The following NBEA variants were observed in gnomAD, a reference collection of about 807,000 sequenced individuals.
NBEA encodes the protein neurobeachin.
In NBEA, 44 loss-of-function variants were observed where a neutral mutation model predicts 343.4. The ratio of observed to expected loss-of-function variants is 0.13; its 90% CI spans 0.10 to 0.16. The LOEUF (loss-of-function observed/expected upper bound fraction) is 0.16, where lower values mean the gene tolerates loss of function less well. Ranked by LOEUF, NBEA falls within the 10% of genes least tolerant of loss-of-function variation. NBEA has a pLI of 1.00. For missense variants in NBEA, 2,555 were observed against 3,631.3 expected (o/e 0.70, Z 7.62); for synonymous variants, 1,175 against 1,238.7 (o/e 0.95, Z 1.08).
At chr13:35,248,208 A>C (rs2031483318) in intron 34 of NBEA, among the ~76,000 whole-genome samples, 1 of 152,258 alleles carries the variant, frequency 6.6e-6, no homozygotes. Flanking sequence ...AAAATCTTCA[A>C]CAAAATACTA....
chr13:35,225,037 T>C (rs1399820192), intron 33 of NBEA, among the ~76,000 whole-genome samples: 2 of 152,160 alleles, frequency 1.3e-5, no homozygotes, highest in Non-Finnish European at 2.9e-5. Context: ...GTGCTAGTTT[T>C]TCAGAGTGTC....
chr13:35,313,403 TTA>T (rs1350039533), intron 36 of NBEA, among the ~76,000 whole-genome samples: 1 of 152,218 alleles, frequency 6.6e-6, no homozygotes, highest in African/African-American at 2.4e-5. Context: ...TAGCATGTAG[TTA>T]GCATGCTAAT....
intron 41 of NBEA, among the ~76,000 whole-genome samples, chr13:35,536,652 ATAG>A (rs2078564375): frequency 6.6e-6 from 1 of 151,980 alleles, no homozygotes; most frequent in African/African-American, 2.4e-5. Flanking sequence ...TAGATGATAG[ATAG>A]ATAGATAGAT....
chr13:35,644,616 A>G (rs929139797), intron 49 of NBEA, among the ~76,000 whole-genome samples: 2 of 152,182 alleles, frequency 1.3e-5, no homozygotes, highest in Non-Finnish European at 2.9e-5. Flanking sequence ...GAGTAGTAGT[A>G]TCTGTTGTTA....
intron 48 of NBEA, among the ~76,000 whole-genome samples, chr13:35,627,743 A>T (rs2083290139): frequency 6.6e-6 from 1 of 152,172 alleles, no homozygotes; most frequent in Non-Finnish European, 1.5e-5. Flanking sequence ...AAGGTAATTT[A>T]AATTATTTTT....
intron 10 of NBEA, among the ~76,000 whole-genome samples, chr13:35,081,423 A>G (rs1252514883): frequency 1.3e-5 from 2 of 152,130 alleles, no homozygotes; most frequent in Non-Finnish European, 2.9e-5. Context: ...GAATGGATTT[A>G]CTTAGCTATC....
At chr13:35,251,500 G>T in intron 34 of NBEA, 1 of 1,099,640 alleles carries the variant, frequency 9.1e-7, no homozygotes, top group South Asian at 2.3e-5. Flanking sequence ...TGACCTTGTG[G>T]AGTGAGCAGC....
intron 19 of NBEA, 30 bp downstream of exon 19, chr13:35,155,885 G>A: frequency 1.3e-6 from 2 of 1,577,628 alleles, no homozygotes; most frequent in Non-Finnish European, 1.7e-6. Flanking sequence ...TTACTGTATT[G>A]TGGTAGGCGC....
intron 38 of NBEA, among the ~76,000 whole-genome samples, 181 bp downstream of exon 38, chr13:35,352,504 T>A (rs988301690): frequency 5.3e-5 from 8 of 152,112 alleles, no homozygotes; most frequent in Admixed American, 5.2e-4. Flanking sequence ...AGGGAAAACC[T>A]AAACTTTTTA....
At chr13:35,124,235 A>G (rs2066950657) in intron 17 of NBEA, among the ~76,000 whole-genome samples, 1 of 150,550 alleles carries the variant, frequency 6.6e-6, no homozygotes, top group South Asian at 2.1e-4. Context: ...TTCCTATCAG[A>G]ACCTCATTTT....
At chr13:35,610,246 G>T (rs1394720259) in intron 48 of NBEA, among the ~76,000 whole-genome samples, 1 of 152,036 alleles carries the variant, frequency 6.6e-6, no homozygotes, top group South Asian at 2.1e-4. Flanking sequence ...ACAAAACTTA[G>T]TCAGGTGTGG....
chr13:34,942,773 G>T lies in NBEA; in HGVS notation c.-48G>T, dbSNP rs923627712. 4 of 1,295,414 alleles carry T rather than the reference G, an allele frequency of 3.1e-6. No individual in the cohort carries two copies. Among genetic ancestry groups the T allele is most frequent in the Non-Finnish European group, 3.9e-6 (4 of 1,019,712 alleles). 80.2% of individuals were successfully genotyped at this position (1,295,414 alleles called of 1,614,324 possible). On this transcript the variant is annotated 5_prime_UTR_variant, in exon 1 of 59. Coordinates refer to ENST00000379939, the MANE Select transcript of NBEA (RefSeq NM_001385012.1). ...GGGCCGAGGCAGGTATAACGGTACC[G>T]GCGGCGGCAGCGCCGCTGCTCTTCC... is the stretch of plus-strand genomic sequence containing the variant.
chr13:35,211,349 T>C (rs1395722589), intron 33 of NBEA, among the ~76,000 whole-genome samples, 170 bp downstream of exon 33: 1 of 152,180 alleles, frequency 6.6e-6, no homozygotes, highest in South Asian at 2.1e-4. Flanking sequence ...ATCTATGATA[T>C]ATTTCGATCT....
intron 23 of NBEA, among the ~76,000 whole-genome samples, chr13:35,162,283 T>C (rs1023134832): frequency 1.3e-5 from 2 of 152,194 alleles, no homozygotes. Flanking sequence ...AAATTTTCAA[T>C]TTAATTTTTT....
rs778633488 is a variant in NBEA, at chr13:34,943,060, C to T, written c.240C>T (p.Leu80=). 21 of 1,613,596 alleles carry T rather than the reference C, an allele frequency of 1.3e-5. No individual in the cohort carries two copies. Among genetic ancestry groups the T allele is most frequent in the Non-Finnish European group, 1.7e-5 (20 of 1,179,788 alleles). ...IRMKFAVLIG[L]IQVGEVSNRD... ...TGAAATTCGCAGTGTTGATTGGACT[C>T]ATACAGGTCGGAGAGGTCAGCAACA... The change falls in exon 1 of 59, where the codon CTC becomes CTT. Residue 80 remains leucine, a synonymous_variant. Transcript: ENST00000379939.
At chr13:35,320,516 C>G (rs942600671) in intron 36 of NBEA, among the ~76,000 whole-genome samples, 1 of 152,184 alleles carries the variant, frequency 6.6e-6, no homozygotes, top group Non-Finnish European at 1.5e-5. Flanking sequence ...TTCTCCCTGG[C>G]TGCCCTTAAC....
intron 47 of NBEA, among the ~76,000 whole-genome samples, chr13:35,605,400 A>G (rs906570383): frequency 6.6e-6 from 1 of 152,174 alleles, no homozygotes; most frequent in Non-Finnish European, 1.5e-5. Flanking sequence ...TTAGGGATCC[A>G]GTTTATTTGA....
At chr13:35,100,912 G>A (rs1418777682) in intron 11 of NBEA, among the ~76,000 whole-genome samples, 1 of 151,738 alleles carries the variant, frequency 6.6e-6, no homozygotes, top group Non-Finnish European at 1.5e-5. Flanking sequence ...TTGGCTTTAT[G>A]AATTGCTTAT....
chr13:35,049,799 G>T (rs181073407), intron 5 of NBEA, among the ~76,000 whole-genome samples: 18 of 151,712 alleles, frequency 1.2e-4, no homozygotes, highest in Admixed American at 7.9e-4. Flanking sequence ...AAAATGTACT[G>T]CTTTGCTTGA....
Sources: gnomAD v4.1 joint callset for allele counts (sites outside exome capture counted in the v4.1 genomes callset) on GRCh38, gnomAD v4.1.1 for gene constraint, MANE v1.5 for transcripts, NCBI Gene and HGNC (gene_info 2026-07-23, HGNC 2026-07-21) for gene names.